Variants in GFPT1 observed in about 807,000 individuals in gnomAD.
GFPT1 encodes the protein glutamine--fructose-6-phosphate transaminase 1.
In GFPT1, 40 loss-of-function variants were observed where a neutral mutation model predicts 92.0. That is an observed-to-expected ratio of 0.43 (90% CI 0.34 to 0.57). The LOEUF (loss-of-function observed/expected upper bound fraction) is 0.57, where lower values mean the gene tolerates loss of function less well. Among genes scored for constraint, GFPT1 ranks in the 20% least tolerant of loss-of-function variants. The pLI is 0.02. For synonymous variants in GFPT1, 269 were observed against 280.6 expected, an observed-to-expected ratio of 0.96 and a Z score of 0.41; for missense variants, 448 against 869.1, an observed-to-expected ratio of 0.52 and a Z score of 6.09.
At chr2:69,366,311 T>A (rs1309487384) in intron 3 of GFPT1, among the ~76,000 whole-genome samples, 1 of 152,200 alleles carries the variant, frequency 6.6e-6, no homozygotes, top group Non-Finnish European at 1.5e-5. Flanking sequence ...GCTATGACAA[T>A]AAGCACATTT....
rs187053292 is a variant in GFPT1 at position 69,338,676 on chromosome 2, G to A, written c.1204-111C>T. On this transcript the variant is annotated intron_variant, in intron 13 of 19. Coordinates refer to ENST00000357308, the MANE Select transcript of GFPT1 (RefSeq NM_001244710.2). ...CTTTTTCTGATTACAAAAATGACAC[G>A]TTAGAAAATAAAAACAACCCAGATT... The A allele has an allele frequency of 1.8e-3, 1,842 of 996,726 alleles. 16 individuals carry two copies. In the African/African-American group the frequency reaches 0.028, roughly 15 times the overall value. 61.7% of individuals were successfully genotyped at this position (996,726 alleles called of 1,614,324 possible).
rs558211196 is a variant in GFPT1, at chr2:69,362,240, T to C, written c.349+1305A>G. Among the ~76,000 whole-genome samples the C allele has an allele frequency of 2.6e-5, 4 of 152,208 alleles. No individual in the cohort carries two copies. In the South Asian group the frequency reaches 8.3e-4, roughly 32 times the overall value. The stretch of plus-strand genomic sequence containing the variant: ...AACCCCCAGGTTCAGGTGATCCTCC[T>C]GCCTTAGCCTCCTGAGTAGCTGGGA... On this transcript the variant is annotated intron_variant, in intron 4 of 19. Transcript: ENST00000357308.
Position 69,355,844 on chromosome 2 carries a change from G to A in GFPT1, c.605+652C>T, listed in dbSNP as rs1016216168. Among the ~76,000 whole-genome samples the A allele has an allele frequency of 8.6e-5, 13 of 151,926 alleles. 1 individual carries two copies. ...GTACAATTATCTAGGAATCTGTCTA[G>A]AATATATGTTTCAAAAAATACAGAA... On this transcript the variant is annotated intron_variant, in intron 7 of 19. Coordinates refer to ENST00000357308, the MANE Select transcript of GFPT1 (RefSeq NM_001244710.2).
intron 4 of GFPT1, among the ~76,000 whole-genome samples, chr2:69,362,338 G>A (rs1671495457): frequency 6.6e-6 from 1 of 152,100 alleles, no homozygotes; most frequent in Non-Finnish European, 1.5e-5. Context: ...TGTTGCTCAG[G>A]CTGGTCTCAA....
At position 69,350,194 on chromosome 2, in the gene GFPT1, T is replaced by A. The variant is rs769311395; in HGVS notation, c.740-11A>T. The A allele has an allele frequency of 6.4e-7, 1 of 1,561,760 alleles. No individual in the cohort carries two copies. The highest frequency in any genetic ancestry group is 1.7e-5 in the Admixed American group (1 of 59,960). ...CTTTCTTGTCTTTGCCTAAAGCATA[T>A]AGTTAACATGAATTGGCAAACATGT... On this transcript the variant is annotated splice_polypyrimidine_tract_variant and intron_variant, in intron 9 of 19. Coordinates refer to ENST00000357308, the MANE Select transcript of GFPT1 (RefSeq NM_001244710.2).
In GFPT1 at chr2:69,356,398, A is replaced by G; in HGVS notation, c.605+98T>C. 3 of 856,104 alleles carry G rather than the reference A, an allele frequency of 3.5e-6. No individual in the cohort carries two copies. The South Asian group carries it at 4.0e-5, about 11-fold the overall frequency. The allele number at this position is 856,104 out of a possible 1,614,324, so 53.0% of individuals were successfully genotyped here. A position where few individuals can be genotyped will look rare whatever the true frequency, so the allele number is the denominator to read the frequency against. Reference sequence around the variant, plus strand: ...CACATGAATATATCTAATAAAGGGCAGAGCCTTTATAATAAAGGGTCATGT... The same window carrying G: ...CACATGAATATATCTAATAAAGGGCGGAGCCTTTATAATAAAGGGTCATGT... On this transcript the variant is annotated intron_variant, in intron 7 of 19. Transcript: ENST00000357308.
rs146713625 is a variant in GFPT1, at chr2:69,379,715, T to C, written c.8-5602A>G. On this transcript the variant is annotated intron_variant, in intron 1 of 19. Transcript: ENST00000357308. ...AATGTGCCTGTAATTTATTTATTTA[T>C]TTACTTATTTATTTTTAATTTTTGA... is the stretch of plus-strand genomic sequence containing the variant. Among the ~76,000 whole-genome samples, 916 of 151,618 alleles carry C rather than the reference T, an allele frequency of 6.0e-3. 11 individuals are homozygous for C. The highest frequency in any genetic ancestry group is 0.02 in the African/African-American group (819 of 41,408).
At chr2:69,348,883 C>T (rs1671145252) in intron 10 of GFPT1, among the ~76,000 whole-genome samples, 3 of 152,176 alleles carry the variant, frequency 2.0e-5, no homozygotes, top group Non-Finnish European at 2.9e-5. Context: ...ACCGTAATCC[C>T]TATACCTCCT....
Position 69,324,514 on chromosome 2 carries a change from T to C in GFPT1, c.*1675A>G, listed in dbSNP as rs1670486080. The C allele has an allele frequency of 6.6e-6, 1 of 152,154 alleles. No individual in the cohort carries two copies. 9.4% of individuals were successfully genotyped at this position (152,154 alleles called of 1,614,324 possible). A position where few individuals can be genotyped will look rare whatever the true frequency, so the allele number is the denominator to read the frequency against. On this transcript the variant is annotated 3_prime_UTR_variant, in exon 20 of 20. Transcript: ENST00000357308. ...GTAAATAGTGACCCTATTTTATTCT[T>C]AAAAAGATCAGGTTTCTAGTCACCA...
chr2:69,339,173 C>T (rs1354074562), intron 13 of GFPT1, among the ~76,000 whole-genome samples: 1 of 152,212 alleles, frequency 6.6e-6, no homozygotes, highest in African/African-American at 2.4e-5. Context: ...TGTGTGTTAT[C>T]TCTAACCTCC....
intron 3 of GFPT1, among the ~76,000 whole-genome samples, chr2:69,368,761 C>G (rs757755061): frequency 2.6e-5 from 4 of 151,892 alleles, no homozygotes; most frequent in Admixed American, 6.6e-5. Context: ...AAGTTGACCA[C>G]GAAGAGGCAT....
At chr2:69,343,460 G>A (rs906211119) in intron 12 of GFPT1, among the ~76,000 whole-genome samples, 2 of 151,622 alleles carry the variant, frequency 1.3e-5, no homozygotes, top group African/African-American at 4.9e-5. Context: ...GCCCAAGCTG[G>A]AGTGCAGTGG....
At chr2:69,334,498 T>A (rs2104609840) in intron 15 of GFPT1, 1 of 152,216 alleles carries the variant, frequency 6.6e-6, no homozygotes, top group South Asian at 2.1e-4. Flanking sequence ...CAACTTCCTA[T>A]ATAGTTATTT....
At chr2:69,386,093 G>C (rs540385850) in intron 1 of GFPT1, among the ~76,000 whole-genome samples, 1 of 149,994 alleles carries the variant, frequency 6.7e-6, no homozygotes, top group South Asian at 2.1e-4. Context: ...CAATAAGAAA[G>C]GTAAGAATAC....
chr2:69,355,958 T>C (rs947310234), intron 7 of GFPT1, among the ~76,000 whole-genome samples: 5 of 150,634 alleles, frequency 3.3e-5, no homozygotes, highest in Non-Finnish European at 7.4e-5. Flanking sequence ...AAAAGGCCAA[T>C]TAAATGCCAA....
Position 69,322,512 on chromosome 2 carries a change from A to AAAAC in GFPT1, c.*3673_*3676dup, listed in dbSNP as rs944405662. 2 of 152,212 alleles carry AAAAC rather than the reference A, an allele frequency of 1.3e-5. No individual in the cohort carries two copies. The highest frequency in any genetic ancestry group is 4.8e-5 in the African/African-American group (2 of 41,456). The allele number at this position is 152,212 out of a possible 1,614,324, so 9.4% of individuals were successfully genotyped here. On this transcript the variant is annotated 3_prime_UTR_variant, in exon 20 of 20. Coordinates refer to ENST00000357308, the MANE Select transcript of GFPT1 (RefSeq NM_001244710.2). ...GTCAGAGGAGTATTACTAAGGAGCC[A>AAAAC]AAACAAACAAACAAACAAAAAAACA...
At chr2:69,373,214 T>C (rs917422442) in intron 2 of GFPT1, among the ~76,000 whole-genome samples, 5 of 152,154 alleles carry the variant, frequency 3.3e-5, no homozygotes, top group East Asian at 3.8e-4. Context: ...TGAGTCCTCC[T>C]AGGGAATCGT....
At position 69,328,443 on chromosome 2, in the gene GFPT1, T is replaced by TA; in HGVS notation, c.1726-6dup. On this transcript the variant is annotated splice_region_variant and splice_polypyrimidine_tract_variant and intron_variant, in intron 17 of 19. Coordinates refer to ENST00000357308, the MANE Select transcript of GFPT1 (RefSeq NM_001244710.2). ...ATAAGTAATTTCTTTGATTTTCTAATAGGAAAGAACCAGATTTGTCTTCAA... is the reference window on the plus strand; with the variant it reads ...ATAAGTAATTTCTTTGATTTTCTAATAAGGAAAGAACCAGATTTGTCTTCAA... 6.2e-7 allele frequency: 1 copy of TA among 1,606,184 alleles called. No homozygotes were observed. Among genetic ancestry groups the TA allele is most frequent in the Non-Finnish European group, 8.5e-7 (1 of 1,172,794 alleles).
rs1670443242 is a variant in GFPT1 at position 69,322,642 on chromosome 2, TAA to T, written c.*3545_*3546del. ...CTCAGTAACTACCTCCTATGAAACC[TAA>T]GAGAGAAAACCTGTAATAGCTCTCT... On this transcript the variant is annotated 3_prime_UTR_variant, in exon 20 of 20. Transcript: ENST00000357308. The T allele has an allele frequency of 6.6e-6, 1 of 152,198 alleles. No individual in the cohort carries two copies. The allele number at this position is 152,198 out of a possible 1,614,324, so 9.4% of individuals were successfully genotyped here. A position where few individuals can be genotyped will look rare whatever the true frequency, so the allele number is the denominator to read the frequency against.
Sources: gnomAD v4.1 joint callset for allele counts (sites outside exome capture counted in the v4.1 genomes callset) on GRCh38, gnomAD v4.1.1 for gene constraint, MANE v1.5 for transcripts, NCBI Gene and HGNC (gene_info 2026-07-23, HGNC 2026-07-21) for gene names.